KLRF1: variants seen among roughly 807,000 people sequenced by gnomAD.
The protein encoded by KLRF1 is killer cell lectin like receptor F1.
KLRF1 carries 27 observed loss-of-function variants against 30.7 expected under a neutral mutation model. That is an observed-to-expected ratio of 0.88 (90% CI 0.65 to 1.21). KLRF1 has a LOEUF of 1.21. KLRF1 is among the 50% of genes most tolerant of loss of function. The pLI is 0.00. For missense variants in KLRF1, 246 were observed against 259.3 expected, an observed-to-expected ratio of 0.95 and a Z score of 0.35; for synonymous variants, 92 against 89.3, an observed-to-expected ratio of 1.03 and a Z score of -0.17.
intron 3 of KLRF1, among the ~76,000 whole-genome samples, chr12:9,837,326 A>G (rs1867599527): frequency 6.6e-6 from 1 of 151,666 alleles, no homozygotes; most frequent in African/African-American, 2.4e-5. Context: ...ATAAATATAG[A>G]TACATATATA....
upstream of KLRF1, among the ~76,000 whole-genome samples, chr12:9,823,075 C>T (rs1356474197): frequency 1.3e-5 from 2 of 152,040 alleles, no homozygotes; most frequent in Admixed American, 6.6e-5. Context: ...ATATTCAGAA[C>T]CTGAACTTGA....
the KLRF1 span, among the ~76,000 whole-genome samples, chr12:9,820,592 A>G: frequency 2.1e-4 from 32 of 152,204 alleles, no homozygotes; most frequent in Non-Finnish European, 4.3e-4. Flanking sequence ...CACCTCATGA[A>G]TAAGTGGCTG....
chr12:9,806,153 A>G, the KLRF1 span, among the ~76,000 whole-genome samples: 1 of 151,854 alleles, frequency 6.6e-6, no homozygotes, highest in Non-Finnish European at 1.5e-5. Context: ...TTCTATTTTA[A>G]TAGTATAGCA....
chr12:9,828,827 G>A (rs1382897118), intron 1 of KLRF1, among the ~76,000 whole-genome samples: 4 of 152,012 alleles, frequency 2.6e-5, no homozygotes, highest in Non-Finnish European at 5.9e-5. Context: ...TTGGAAATTA[G>A]AGATATTAAA....
chr12:9,830,359 A>C (rs1286831351), intron 1 of KLRF1, among the ~76,000 whole-genome samples: 1 of 151,942 alleles, frequency 6.6e-6, no homozygotes, highest in East Asian at 1.9e-4. Flanking sequence ...ATTACCTTCA[A>C]ATAATTTTAC....
chr12:9,815,726 G>A, the KLRF1 span, among the ~76,000 whole-genome samples: 2 of 152,194 alleles, frequency 1.3e-5, no homozygotes, highest in South Asian at 2.1e-4. Context: ...TAAATCTCCT[G>A]GCTTCCAGGC....
intron 3 of KLRF1, 60 bp from the exon 4 acceptor site, chr12:9,841,752 C>A: frequency 1.5e-6 from 2 of 1,351,002 alleles, no homozygotes; most frequent in Non-Finnish European, 2.0e-6. Flanking sequence ...GTTCTTATGG[C>A]CAATTTTCAG....
chr12:9,814,534 C>T, the KLRF1 span, among the ~76,000 whole-genome samples: 5 of 152,334 alleles, frequency 3.3e-5, no homozygotes, highest in East Asian at 7.7e-4. Flanking sequence ...CTGTCCCACC[C>T]GTAGCTCCGC....
At chr12:9,803,761 G>A in the KLRF1 span, among the ~76,000 whole-genome samples, 3 of 151,968 alleles carry the variant, frequency 2.0e-5, no homozygotes, top group South Asian at 2.1e-4. Context: ...ATTTATGTGA[G>A]TCTACATCTG....
chr12:9,840,933 G>A lies in KLRF1; in HGVS notation c.335-879G>A, dbSNP rs74616245. Among the ~76,000 whole-genome samples, 421 of 152,164 alleles carry A rather than the reference G, an allele frequency of 2.8e-3. 2 individuals carry two copies. The highest frequency in any genetic ancestry group is 0.021 in the Middle Eastern group (6 of 292). On this transcript the variant is annotated intron_variant, in intron 3 of 5. Coordinates refer to ENST00000617889, the MANE Select transcript of KLRF1 (RefSeq NM_016523.3). ...AAAGGCAGAAATACCCTTCAACCCCGCAATCCCATTACTGGGTATATACCC... is the reference window on the plus strand; with the variant it reads ...AAAGGCAGAAATACCCTTCAACCCCACAATCCCATTACTGGGTATATACCC...
At chr12:9,839,418 C>T (rs910910190) in intron 3 of KLRF1, among the ~76,000 whole-genome samples, 1 of 151,876 alleles carries the variant, frequency 6.6e-6, no homozygotes, top group Admixed American at 6.6e-5. Context: ...TCTGAATTCC[C>T]AAAATTCATG....
the KLRF1 span, among the ~76,000 whole-genome samples, chr12:9,808,229 G>T: frequency 6.6e-6 from 1 of 152,058 alleles, no homozygotes; most frequent in South Asian, 2.1e-4. Context: ...TGATACATTT[G>T]TGGGATAGTT....
intron 3 of KLRF1, among the ~76,000 whole-genome samples, chr12:9,840,891 C>T (rs2121235543): frequency 6.6e-6 from 1 of 152,204 alleles, no homozygotes; most frequent in East Asian, 1.9e-4. Context: ...GACTGTGTGG[C>T]AATTCCTCAA....
the KLRF1 span, among the ~76,000 whole-genome samples, chr12:9,807,848 T>C: frequency 6.6e-6 from 1 of 152,126 alleles, no homozygotes; most frequent in Non-Finnish European, 1.5e-5. Context: ...GACAGAGTTT[T>C]TAAATTTTTA....
upstream of KLRF1, chr12:9,827,409 C>T: frequency 2.3e-6 from 1 of 435,680 alleles, no homozygotes; most frequent in Admixed American, 4.3e-5. Context: ...AAACTGTGAA[C>T]CCTCATATGT....
At chr12:9,824,531 G>A (rs1375012490), upstream of KLRF1, among the ~76,000 whole-genome samples, 1 of 152,068 alleles carries the variant, frequency 6.6e-6, no homozygotes, top group African/African-American at 2.4e-5. Context: ...GGTGAAAGCT[G>A]GAAGCATTCC....
At chr12:9,808,150 A>G in the KLRF1 span, among the ~76,000 whole-genome samples, 1 of 152,142 alleles carries the variant, frequency 6.6e-6, no homozygotes, top group Non-Finnish European at 1.5e-5. Flanking sequence ...TCAGTGAATA[A>G]AATGCACCAA....
chr12:9,823,897 T>A (rs1037196050), upstream of KLRF1, among the ~76,000 whole-genome samples: 25 of 152,154 alleles, frequency 1.6e-4, no homozygotes, highest in African/African-American at 5.3e-4. Context: ...ATAGATAAAT[T>A]CCTGGACACA....
At chr12:9,825,256 C>G (rs1194575582), upstream of KLRF1, among the ~76,000 whole-genome samples, 2 of 57,756 alleles carry the variant, frequency 3.5e-5, no homozygotes, top group African/African-American at 1.1e-4. Flanking sequence ...TAACAAGGTA[C>G]TGGTAAAAAA....
Sources: allele counts gnomAD v4.1 joint callset (sites outside exome capture counted in the v4.1 genomes callset), GRCh38; gene constraint gnomAD v4.1.1; transcripts MANE v1.5; gene names NCBI Gene and HGNC (gene_info 2026-07-23, HGNC 2026-07-21).